Variants in HS6ST3 observed in about 807,000 individuals in gnomAD.
HS6ST3 encodes heparan sulfate 6-O-sulfotransferase 3, also known as heparan-sulfate 6-O-sulfotransferase 3.
HS6ST3 carries 12 observed loss-of-function variants against 36.7 expected under a neutral mutation model. The observed-to-expected ratio is 0.33, with a 90% CI of 0.21 to 0.53. The LOEUF is 0.53. Ranked by LOEUF, HS6ST3 falls within the 20% of genes least tolerant of loss-of-function variation. The probability of loss-of-function intolerance (pLI) is 0.95; values close to 1 mark genes in which losing one functional copy is unlikely to be tolerated. For synonymous variants in HS6ST3, 240 were observed against 257.5 expected (o/e 0.93, Z 0.65); for missense variants, 584 against 640.9 (o/e 0.91, Z 0.96).
intron 1 of HS6ST3, among the ~76,000 whole-genome samples, chr13:96,358,165 C>T (rs1234093721): frequency 1.3e-5 from 2 of 152,016 alleles, no homozygotes; most frequent in East Asian, 3.9e-4. Flanking sequence ...AGAATGCTAA[C>T]TAATACATAT....
intron 1 of HS6ST3, among the ~76,000 whole-genome samples, chr13:96,305,831 C>G (rs975186332): frequency 2.0e-5 from 3 of 148,674 alleles, no homozygotes; most frequent in Admixed American, 2.0e-4. Flanking sequence ...CATTGTTTGC[C>G]TTTCCCCCTT....
At chr13:96,469,563 C>T (rs1566370034) in intron 1 of HS6ST3, among the ~76,000 whole-genome samples, 1 of 152,142 alleles carries the variant, frequency 6.6e-6, no homozygotes. Context: ...GTTTCAGGAG[C>T]AAAAGTAGCC....
At chr13:96,550,561 T>C (rs745722184) in intron 1 of HS6ST3, among the ~76,000 whole-genome samples, 12 of 152,218 alleles carry the variant, frequency 7.9e-5, no homozygotes, top group Non-Finnish European at 1.2e-4. Context: ...TGAAGCCATG[T>C]CATCTTTGTC....
intron 1 of HS6ST3, among the ~76,000 whole-genome samples, chr13:96,452,567 T>C (rs919578656): frequency 1.3e-5 from 2 of 152,144 alleles, no homozygotes; most frequent in Admixed American, 6.6e-5. Context: ...TTTTTTTCAA[T>C]TACCAACAGT....
intron 1 of HS6ST3, among the ~76,000 whole-genome samples, chr13:96,733,437 C>T (rs1014012214): frequency 1.1e-4 from 17 of 152,134 alleles, no homozygotes; most frequent in African/African-American, 4.1e-4. Flanking sequence ...TCACATGTTA[C>T]AGACTTCTAA....
chr13:96,337,766 G>GT (rs1288821665), intron 1 of HS6ST3, among the ~76,000 whole-genome samples: 3 of 151,486 alleles, frequency 2.0e-5, no homozygotes, highest in East Asian at 1.9e-4. Flanking sequence ...TATTTTCTCT[G>GT]TTTTTTTCTT....
At chr13:96,634,946 G>T (rs901731991) in intron 1 of HS6ST3, among the ~76,000 whole-genome samples, 3 of 151,492 alleles carry the variant, frequency 2.0e-5, no homozygotes, top group Non-Finnish European at 2.9e-5. Context: ...ATATCCCAAG[G>T]CCCAGTGAGT....
At chr13:96,583,075 G>A (rs370306300) in intron 1 of HS6ST3, among the ~76,000 whole-genome samples, 1 of 151,794 alleles carries the variant, frequency 6.6e-6, no homozygotes, top group African/African-American at 2.4e-5. Flanking sequence ...CTTCTTACTT[G>A]CCCCTTTGTT....
intron 1 of HS6ST3, among the ~76,000 whole-genome samples, chr13:96,737,736 T>C (rs538275746): frequency 6.6e-6 from 1 of 152,208 alleles, no homozygotes; most frequent in African/African-American, 2.4e-5. Context: ...TTTCAGATTA[T>C]GTAAAAACTA....
intron 1 of HS6ST3, among the ~76,000 whole-genome samples, chr13:96,291,338 T>C (rs1007566176): frequency 6.6e-6 from 1 of 152,166 alleles, no homozygotes; most frequent in Non-Finnish European, 1.5e-5. Flanking sequence ...TGGGCTTGTT[T>C]AGTATTGATG....
intron 1 of HS6ST3, among the ~76,000 whole-genome samples, chr13:96,426,387 C>T (rs2055587382): frequency 6.6e-6 from 1 of 152,152 alleles, no homozygotes; most frequent in African/African-American, 2.4e-5. Flanking sequence ...GCTTGCATGG[C>T]TGACAATTCA....
At chr13:96,657,269 G>T (rs141169370) in intron 1 of HS6ST3, among the ~76,000 whole-genome samples, 1,525 of 152,076 alleles carry the variant, frequency 0.01, 21 homozygotes, top group Non-Finnish European at 0.015. Context: ...TCACTTTTAC[G>T]ATGCTTTAAG....
At chr13:96,191,926 G>A (rs1404973332) in intron 1 of HS6ST3, among the ~76,000 whole-genome samples, 3 of 152,156 alleles carry the variant, frequency 2.0e-5, no homozygotes, top group African/African-American at 7.2e-5. Context: ...CAGGCATATG[G>A]AAAGAAAAAG....
rs2054781520 is a variant in HS6ST3, at chr13:96,282,627, A to G, written c.707+191058A>G. On this transcript the variant is annotated intron_variant, in intron 1 of 1. Coordinates refer to ENST00000376705, the MANE Select transcript of HS6ST3 (RefSeq NM_153456.4). ...TATTTAGTTTATTCTATTTCTAAAT[A>G]CAATATTTAGTTTCTTCTCCACCCT... 2.0e-5 allele frequency among the ~76,000 whole-genome samples: 3 copies of G among 152,216 alleles called. No individual in the cohort carries two copies. In the South Asian group the frequency reaches 6.2e-4, roughly 32 times the overall value.
chr13:96,226,477 G>A (rs1420605898), intron 1 of HS6ST3, among the ~76,000 whole-genome samples: 3 of 152,142 alleles, frequency 2.0e-5, no homozygotes, highest in Non-Finnish European at 4.4e-5. Context: ...CCAAGATCGT[G>A]CCATTGCACT....
At chr13:96,766,149 A>C (rs187413583) in intron 1 of HS6ST3, among the ~76,000 whole-genome samples, 9 of 152,334 alleles carry the variant, frequency 5.9e-5, no homozygotes, top group African/African-American at 2.2e-4. Flanking sequence ...CTTTACCATT[A>C]CTTACATGAA....
At chr13:96,200,590 G>A (rs1304378457) in intron 1 of HS6ST3, among the ~76,000 whole-genome samples, 1 of 152,154 alleles carries the variant, frequency 6.6e-6, no homozygotes, top group African/African-American at 2.4e-5. Flanking sequence ...TTACTCTGCT[G>A]TAGTATTTCA....
chr13:96,145,536 G>T (rs1015933990), intron 1 of HS6ST3, among the ~76,000 whole-genome samples: 2 of 152,012 alleles, frequency 1.3e-5, no homozygotes, highest in African/African-American at 4.8e-5. Flanking sequence ...TGAGTTCATT[G>T]TAGATTCTGG....
chr13:96,830,288 A>C (rs538530916), intron 1 of HS6ST3, among the ~76,000 whole-genome samples: 1 of 152,326 alleles, frequency 6.6e-6, no homozygotes, highest in South Asian at 2.1e-4. Context: ...ATGTAACCCC[A>C]TCATAACTCA....
Sources: gnomAD v4.1 joint callset for allele counts (sites outside exome capture counted in the v4.1 genomes callset) on GRCh38, gnomAD v4.1.1 for gene constraint, MANE v1.5 for transcripts, NCBI Gene and HGNC (gene_info 2026-07-23, HGNC 2026-07-21) for gene names.